LRSAM1: variants seen among roughly 807,000 people sequenced by gnomAD.
LRSAM1 encodes leucine rich repeat and sterile alpha motif containing 1.
A neutral mutation model predicts 118.1 loss-of-function variants in LRSAM1; 96 were observed. That is an observed-to-expected ratio of 0.81 (90% CI 0.69 to 0.96). The LOEUF (loss-of-function observed/expected upper bound fraction) is 0.96. Ranked by LOEUF, LRSAM1 falls within the 40% of genes least tolerant of loss-of-function variation. The probability of loss-of-function intolerance (pLI) is 0.00; values close to 1 mark genes in which losing one functional copy is unlikely to be tolerated. For missense variants in LRSAM1, 804 were observed against 915.5 expected (o/e 0.88, Z 1.57); for synonymous variants, 322 against 364.2 (o/e 0.88, Z 1.32).
chr9:127,478,850 G>C, intron 11 of LRSAM1, 84 bp from the exon 12 acceptor site: 2 of 1,412,100 alleles, frequency 1.4e-6, no homozygotes, highest in Non-Finnish European at 2.0e-6. Flanking sequence ...TATAACATCA[G>C]GCCACCCGGG....
At chr9:127,467,193 G>A (rs924581262) in intron 9 of LRSAM1, among the ~76,000 whole-genome samples, 2 of 152,154 alleles carry the variant, frequency 1.3e-5, no homozygotes, top group Non-Finnish European at 2.9e-5. Context: ...GGGGAGTTTA[G>A]CTGAAGCAAT....
chr9:127,459,139 G>C, intron 7 of LRSAM1, 68 bp downstream of exon 7: 1 of 1,492,576 alleles, frequency 6.7e-7, no homozygotes, highest in Non-Finnish European at 9.3e-7. Context: ...CTCAAGCCTG[G>C]AATGTTCTGG....
chr9:127,501,252 A>G, intron 25 of LRSAM1, 109 bp downstream of exon 25: 2 of 1,384,570 alleles, frequency 1.4e-6, no homozygotes, highest in Non-Finnish European at 2.0e-6. Flanking sequence ...CTCTAAGTAG[A>G]CTGTGCTCAT....
intron 23 of LRSAM1, among the ~76,000 whole-genome samples, chr9:127,496,418 T>G (rs1429610024): frequency 1.3e-5 from 2 of 152,186 alleles, no homozygotes; most frequent in Non-Finnish European, 2.9e-5. Context: ...TGTCACAAAC[T>G]GTCGTGGCCA....
At position 127,485,854 on chromosome 9, in the gene LRSAM1, G is replaced by A. The variant is rs756166245; in HGVS notation, c.1259+19G>A. The A allele has an allele frequency of 2.0e-5, 32 of 1,612,522 alleles. No individual in the cohort carries two copies. The highest frequency in any genetic ancestry group is 2.7e-5 in the African/African-American group (2 of 74,892). On this transcript the variant is annotated intron_variant, in intron 17 of 25. Coordinates refer to ENST00000300417, the MANE Select transcript of LRSAM1 (RefSeq NM_001005373.4). ...GTTCCAGGTAAGGTAAGGAAGAGGA[G>A]TCCCAGGTGAGGGAGCTGGGGGAGC...
At position 127,457,374 on chromosome 9, in the gene LRSAM1, T is replaced by A; in HGVS notation, c.233T>A (p.Leu78Gln). Residue 78 changes from leucine to glutamine, a missense_variant, in exon 6 of 26, where the codon CTG becomes CAG. Coordinates refer to ENST00000300417, the MANE Select transcript of LRSAM1 (RefSeq NM_001005373.4). ...CTGCTTCCCAAATCCTGCAGCCTCCTGAGTCTGGCAACCATCAAGGTACTG... is the reference window on the plus strand; with the variant it reads ...CTGCTTCCCAAATCCTGCAGCCTCCAGAGTCTGGCAACCATCAAGGTACTG... ...TSLLPKSCSL[L>Q]SLATIKVLDL... The A allele has an allele frequency of 6.2e-7, 1 of 1,614,218 alleles. No individual in the cohort carries two copies. The highest frequency in any genetic ancestry group is 1.1e-5 in the South Asian group (1 of 91,086).
At chr9:127,502,167 G>A (rs550874368) in intron 25 of LRSAM1, among the ~76,000 whole-genome samples, 3 of 152,358 alleles carry the variant, frequency 2.0e-5, no homozygotes, top group Middle Eastern at 3.4e-3. Flanking sequence ...ATAGGCCTCC[G>A]TCGCCTGTCC....
intron 17 of LRSAM1, among the ~76,000 whole-genome samples, chr9:127,487,250 G>T (rs1344978576): frequency 6.6e-6 from 1 of 151,592 alleles, no homozygotes; most frequent in East Asian, 1.9e-4. Flanking sequence ...GCAGGTTCTT[G>T]TGCCCAAGTC....
At chr9:127,464,756 C>T (rs1392974911) in intron 9 of LRSAM1, among the ~76,000 whole-genome samples, 1 of 151,824 alleles carries the variant, frequency 6.6e-6, no homozygotes, top group Non-Finnish European at 1.5e-5. Flanking sequence ...AGATCCTCCT[C>T]CTCAGCCTCC....
At chr9:127,483,933 A>AT (rs1252692921) in intron 16 of LRSAM1, among the ~76,000 whole-genome samples, 1 of 152,182 alleles carries the variant, frequency 6.6e-6, no homozygotes, top group Non-Finnish European at 1.5e-5. Context: ...AAGTGCTGGT[A>AT]TTACAGGCGT....
At chr9:127,481,785 G>A (rs1343418730) in intron 15 of LRSAM1, among the ~76,000 whole-genome samples, 1 of 152,108 alleles carries the variant, frequency 6.6e-6, no homozygotes, top group Non-Finnish European at 1.5e-5. Flanking sequence ...GCCAGGCGCA[G>A]TGGCTCACAT....
chr9:127,460,095 G>A (rs1406926955), intron 7 of LRSAM1, among the ~76,000 whole-genome samples: 1 of 152,034 alleles, frequency 6.6e-6, no homozygotes, highest in Admixed American at 6.6e-5. Flanking sequence ...CACCTCCCGG[G>A]TTCAAGCGAT....
rs559545921 is a variant in LRSAM1, at chr9:127,489,141, C to T, written c.1348-303C>T. On this transcript the variant is annotated intron_variant, in intron 18 of 25. Transcript: ENST00000300417. ...ATAGGCTTGGTGTGTGTCCCAGCGC[C>T]GCTGATTCATGCCTCTGAGTGTCAC... is the stretch of plus-strand genomic sequence containing the variant. Among the ~76,000 whole-genome samples the T allele has an allele frequency of 1.6e-4, 24 of 152,290 alleles. No individual in the cohort carries two copies. The East Asian group carries it at 1.9e-3, about 12-fold the overall frequency.
intron 11 of LRSAM1, among the ~76,000 whole-genome samples, chr9:127,476,577 C>CA (rs1000833701): frequency 1.3e-5 from 2 of 151,898 alleles, no homozygotes; most frequent in East Asian, 1.9e-4. Context: ...AAACTCAAAA[C>CA]AAAAAAAGGA....
intron 18 of LRSAM1, 133 bp downstream of exon 18, chr9:127,487,896 G>T: frequency 5.0e-6 from 3 of 604,630 alleles, no homozygotes; most frequent in Non-Finnish European, 2.8e-6. Context: ...CCATAGAGGT[G>T]TACAAGTGAT....
intron 11 of LRSAM1, among the ~76,000 whole-genome samples, chr9:127,476,736 A>C (rs908976932): frequency 1.3e-5 from 2 of 151,936 alleles, no homozygotes; most frequent in African/African-American, 4.8e-5. Flanking sequence ...GTGCAGTGGC[A>C]TGATCTCAGC....
Position 127,473,824 on chromosome 9 carries a change from C to A in LRSAM1, c.643C>A (p.Pro215Thr), listed in dbSNP as rs765389102. Reference sequence around the variant, plus strand: ...AGAGTCAGGGCTGGAATACTACCCCCCTTCTCAGTACTTGCTGCCAATTCT... The same window carrying A: ...AGAGTCAGGGCTGGAATACTACCCCACTTCTCAGTACTTGCTGCCAATTCT... Reference protein sequence around the residue: ...CKESGLEYYPPSQYLLPILEQ... With the variant: ...CKESGLEYYPTSQYLLPILEQ... Residue 215 changes from proline to threonine, a missense_variant, in exon 11 of 26, where the codon CCT becomes ACT. Physicochemically the swap from Pro to Thr is conservative, Grantham distance 38. Coordinates refer to ENST00000300417, the MANE Select transcript of LRSAM1 (RefSeq NM_001005373.4). The A allele has an allele frequency of 2.2e-5, 36 of 1,614,124 alleles. No homozygotes were observed. Among genetic ancestry groups the A allele is most frequent in the Non-Finnish European group, 2.7e-5 (32 of 1,180,056 alleles).
intron 24 of LRSAM1, among the ~76,000 whole-genome samples, chr9:127,498,145 C>T (rs1470565760): frequency 6.6e-6 from 1 of 152,126 alleles, no homozygotes; most frequent in Admixed American, 6.5e-5. Flanking sequence ...GGAGCTGAGG[C>T]GAAGGTGGAG....
intron 25 of LRSAM1, 60 bp from the exon 26 acceptor site, chr9:127,502,714 G>A (rs1836440288): frequency 3.4e-6 from 5 of 1,476,520 alleles, no homozygotes; most frequent in East Asian, 2.4e-5. Context: ...AAAAAAAGAC[G>A]GGCCTGGGAC....
Sources: allele counts gnomAD v4.1 joint callset (sites outside exome capture counted in the v4.1 genomes callset), GRCh38; gene constraint gnomAD v4.1.1; transcripts MANE v1.5; gene names NCBI Gene and HGNC (gene_info 2026-07-23, HGNC 2026-07-21).